The following BABAM2 variants were observed in gnomAD, a reference collection of about 807,000 sequenced individuals.
BABAM2 encodes the protein BRISC and BRCA1 A complex member 2.
In BABAM2, 31 loss-of-function variants were observed where a neutral mutation model predicts 54.7. The observed-to-expected ratio is 0.57, with a 90% confidence interval of 0.43 to 0.77. The LOEUF (loss-of-function observed/expected upper bound fraction) is 0.77. Ranked by LOEUF, BABAM2 falls within the 30% of genes least tolerant of loss-of-function variation. The pLI is 0.00. For synonymous variants in BABAM2, 167 were observed against 162.9 expected, an observed-to-expected ratio of 1.03 and a Z score of -0.19; for missense variants, 364 against 455.8, an observed-to-expected ratio of 0.80 and a Z score of 1.83.
intron 7 of BABAM2, among the ~76,000 whole-genome samples, chr2:28,231,088 T>C (rs536695583): frequency 6.6e-6 from 1 of 152,348 alleles, no homozygotes; most frequent in Admixed American, 6.5e-5. Flanking sequence ...TGCTGGGTTA[T>C]CTTGGATAAG....
intron 7 of BABAM2, among the ~76,000 whole-genome samples, chr2:28,188,288 G>A (rs10189360): frequency 0.54 from 82,747 of 152,098 alleles, 23,407 homozygotes; most frequent in Middle Eastern, 0.66. Flanking sequence ...CCTATTGACT[G>A]CTTCCTTAAA....
intron 3 of BABAM2, among the ~76,000 whole-genome samples, chr2:27,986,772 G>A (rs1219240171): frequency 2.0e-5 from 3 of 152,092 alleles, no homozygotes; most frequent in Non-Finnish European, 2.9e-5. Context: ...GATTGATAAA[G>A]CTGTTATGTA....
chr2:28,299,029 T>A (rs1687912035), intron 11 of BABAM2, among the ~76,000 whole-genome samples: 1 of 152,202 alleles, frequency 6.6e-6, no homozygotes, highest in Non-Finnish European at 1.5e-5. Flanking sequence ...TGCTTAGTAG[T>A]CAACACCTGG....
At chr2:27,981,009 A>G (rs1407330249) in intron 3 of BABAM2, among the ~76,000 whole-genome samples, 2 of 152,142 alleles carry the variant, frequency 1.3e-5, no homozygotes, top group Non-Finnish European at 2.9e-5. Context: ...CATATACCCC[A>G]TAAATAAGTA....
chr2:28,120,638 G>A (rs1177137695), intron 6 of BABAM2, among the ~76,000 whole-genome samples: 3 of 152,200 alleles, frequency 2.0e-5, no homozygotes, highest in Non-Finnish European at 4.4e-5. Flanking sequence ...GAGTAAACAC[G>A]GAATAAATGT....
intron 4 of BABAM2, among the ~76,000 whole-genome samples, chr2:28,002,865 C>T (rs1412861421): frequency 1.3e-5 from 2 of 152,084 alleles, no homozygotes; most frequent in Non-Finnish European, 2.9e-5. Context: ...AAAGCAGAGA[C>T]TTCATCATTA....
intron 7 of BABAM2, among the ~76,000 whole-genome samples, chr2:28,188,570 T>C (rs974139410): frequency 2.0e-5 from 3 of 152,136 alleles, no homozygotes; most frequent in African/African-American, 7.2e-5. Flanking sequence ...TGCTAACAGA[T>C]ATTTGTCAAA....
chr2:28,094,383 G>A (rs1666421799), intron 6 of BABAM2, among the ~76,000 whole-genome samples: 1 of 151,996 alleles, frequency 6.6e-6, no homozygotes. Context: ...TAGATAGATG[G>A]CAATGATTGA....
chr2:28,210,975 G>C (rs1197070436), intron 7 of BABAM2, among the ~76,000 whole-genome samples: 1 of 152,148 alleles, frequency 6.6e-6, no homozygotes, highest in East Asian at 1.9e-4. Flanking sequence ...GCAAGTAAAG[G>C]CCAGTGGTAA....
intron 2 of BABAM2, among the ~76,000 whole-genome samples, chr2:27,899,471 C>G (rs1665603701): frequency 8.3e-6 from 1 of 120,226 alleles, no homozygotes; most frequent in Admixed American, 8.6e-5. Flanking sequence ...TCCACTAGTC[C>G]TAGTGTTTTT....
chr2:28,209,452 G>A (rs1679220743), intron 7 of BABAM2, among the ~76,000 whole-genome samples: 1 of 151,356 alleles, frequency 6.6e-6, no homozygotes. Flanking sequence ...TGTGGAAGGT[G>A]TGGCCTGAGG....
intron 4 of BABAM2, among the ~76,000 whole-genome samples, chr2:28,025,025 G>A (rs1042824187): frequency 6.6e-6 from 1 of 152,076 alleles, no homozygotes; most frequent in African/African-American, 2.4e-5. Flanking sequence ...TTTTCTGCAA[G>A]GATTTTTTTA....
chr2:27,977,180 C>G (rs1671664407), intron 3 of BABAM2, among the ~76,000 whole-genome samples: 1 of 152,140 alleles, frequency 6.6e-6, no homozygotes, highest in African/African-American at 2.4e-5. Context: ...AGTTCCTTGA[C>G]AAACTTGTGA....
chr2:28,062,074 G>A (rs6547822), intron 6 of BABAM2, among the ~76,000 whole-genome samples: 150,984 of 152,050 alleles, frequency 0.99, 74,979 homozygotes, highest in Middle Eastern at 1. Context: ...CCTGGCCAAC[G>A]TGGCAAAACC....
chr2:28,261,099 A>C (rs1214474615), intron 10 of BABAM2, among the ~76,000 whole-genome samples: 1 of 150,362 alleles, frequency 6.7e-6, no homozygotes, highest in Non-Finnish European at 1.5e-5. Flanking sequence ...ACACCACCAT[A>C]CCCAGCCAAT....
chr2:28,324,243 C>T (rs776406651), intron 11 of BABAM2, among the ~76,000 whole-genome samples: 7 of 152,032 alleles, frequency 4.6e-5, no homozygotes, highest in African/African-American at 1.2e-4. Flanking sequence ...GGAGAGAACA[C>T]GAAATCAAAA....
intron 10 of BABAM2, among the ~76,000 whole-genome samples, chr2:28,259,115 G>A (rs1319021170): frequency 2.4e-4 from 17 of 71,136 alleles, no homozygotes; most frequent in Non-Finnish European, 3.6e-4. Context: ...TTCAGACTGA[G>A]TCTTGCTCTG....
intron 4 of BABAM2, among the ~76,000 whole-genome samples, chr2:28,013,694 T>TACTTAC (rs1674577617): frequency 9.4e-6 from 1 of 105,996 alleles, no homozygotes; most frequent in African/African-American, 3.5e-5. Flanking sequence ...AAAAAGCTCT[T>TACTTAC]ACACACACAC....
chr2:28,007,630 A>G (rs1173092700), intron 4 of BABAM2, among the ~76,000 whole-genome samples: 2 of 152,166 alleles, frequency 1.3e-5, no homozygotes, highest in African/African-American at 4.8e-5. Flanking sequence ...GGTTTTATGA[A>G]CTGGGAACTG....
Sources: allele counts gnomAD v4.1 joint callset (sites outside exome capture counted in the v4.1 genomes callset), GRCh38; gene constraint gnomAD v4.1.1; transcripts MANE v1.5; gene names NCBI Gene and HGNC (gene_info 2026-07-23, HGNC 2026-07-21).